DCLK1: variants seen among roughly 807,000 people sequenced by gnomAD.
DCLK1 encodes serine/threonine-protein kinase DCLK1.
A neutral mutation model predicts 86.2 loss-of-function variants in DCLK1; 16 were observed. The observed-to-expected ratio is 0.19, with a 90% confidence interval of 0.13 to 0.28. The LOEUF (loss-of-function observed/expected upper bound fraction) is 0.28, where lower values mean the gene tolerates loss of function less well. Among genes scored for constraint, DCLK1 ranks in the 10% least tolerant of loss-of-function variants. DCLK1 has a pLI of 1.00. For synonymous variants in DCLK1, 369 were observed against 370.5 expected (o/e 1.00, Z 0.05); for missense variants, 590 against 940.2 (o/e 0.63, Z 4.87).
chr13:36,023,674 G>A (rs1254516509), intron 3 of DCLK1, among the ~76,000 whole-genome samples: 1 of 152,012 alleles, frequency 6.6e-6, no homozygotes, highest in Non-Finnish European at 1.5e-5. Context: ...AAACCCACTT[G>A]AGCATCTCAA....
chr13:35,897,273 G>A (rs1874062457), intron 4 of DCLK1, among the ~76,000 whole-genome samples: 1 of 152,140 alleles, frequency 6.6e-6, no homozygotes, highest in Non-Finnish European at 1.5e-5. Flanking sequence ...GAGAACACTG[G>A]GAGGCAATGT....
In DCLK1 at chr13:35,997,357, A is replaced by T. The variant is rs573329454; in HGVS notation, c.724-49900T>A. 2.1e-4 allele frequency among the ~76,000 whole-genome samples: 32 copies of T among 152,318 alleles called. No individual in the cohort carries two copies. In the South Asian group the frequency reaches 6.6e-3, roughly 32 times the overall value. On this transcript the variant is annotated intron_variant, in intron 3 of 16. Transcript: ENST00000360631. ...TCTTTAATTTCTTTTCTCATCTCTC[A>T]TTTTAAGGGGAAAATCATCGTAGAG...
chr13:36,029,263 C>T (rs779553446), intron 3 of DCLK1, among the ~76,000 whole-genome samples: 7 of 152,172 alleles, frequency 4.6e-5, no homozygotes, highest in Non-Finnish European at 1.0e-4. Context: ...AACTCTATTG[C>T]ACACTCTCAC....
At chr13:35,977,778 C>T (rs1271359146) in intron 3 of DCLK1, among the ~76,000 whole-genome samples, 2 of 151,496 alleles carry the variant, frequency 1.3e-5, no homozygotes, top group Non-Finnish European at 2.9e-5. Flanking sequence ...GTGTCATACA[C>T]CCAAGAACAG....
chr13:35,927,487 T>G (rs567724610), intron 4 of DCLK1, among the ~76,000 whole-genome samples: 1 of 152,350 alleles, frequency 6.6e-6, no homozygotes, highest in East Asian at 1.9e-4. Context: ...TTCATTGTTT[T>G]TGTTACACCG....
At chr13:36,039,873 AC>A (rs1201596646) in intron 3 of DCLK1, among the ~76,000 whole-genome samples, 1 of 152,034 alleles carries the variant, frequency 6.6e-6, no homozygotes, top group Non-Finnish European at 1.5e-5. Context: ...AGATGGCCTT[AC>A]TAAGTAGCAG....
At chr13:35,887,862 T>C (rs1334034324) in intron 4 of DCLK1, among the ~76,000 whole-genome samples, 3 of 88,200 alleles carry the variant, frequency 3.4e-5, no homozygotes, top group African/African-American at 8.8e-5. Context: ...TTGGACAGCA[T>C]AGTAAGATCT....
chr13:36,074,998 G>C (rs1884137593), intron 3 of DCLK1, among the ~76,000 whole-genome samples: 1 of 152,240 alleles, frequency 6.6e-6, no homozygotes, highest in Non-Finnish European at 1.5e-5. Context: ...ATTTCTGCCA[G>C]TGAAGTGGTA....
chr13:35,847,723 G>GTA lies in DCLK1; in HGVS notation c.1035+6774_1035+6775dup, dbSNP rs139327867. 2,349 of 928,266 alleles carry GTA rather than the reference G, an allele frequency of 2.5e-3. 24 individuals are homozygous for GTA. The African/African-American group carries it at 0.031, about 12-fold the overall frequency. 57.5% of individuals were successfully genotyped at this position (928,266 alleles called of 1,614,324 possible). Reference sequence around the variant, plus strand: ...GAAATTCCCCGGCTGGTTATGTAGGGTATATATATATATAGTACATCAGCG... The same window carrying GTA: ...GAAATTCCCCGGCTGGTTATGTAGGGTATATATATATATATAGTACATCAGCG... On this transcript the variant is annotated intron_variant, in intron 6 of 16. Coordinates refer to ENST00000360631, the MANE Select transcript of DCLK1 (RefSeq NM_001330071.2).
At chr13:36,111,834 T>G (rs1205832325) in intron 3 of DCLK1, 35 bp downstream of exon 3, 1 of 1,574,674 alleles carries the variant, frequency 6.4e-7, no homozygotes, top group Admixed American at 1.7e-5. Context: ...GGTTCTTGCC[T>G]TAAAGTCAAA....
At chr13:35,936,248 G>A (rs1876743453) in intron 4 of DCLK1, among the ~76,000 whole-genome samples, 1 of 152,210 alleles carries the variant, frequency 6.6e-6, no homozygotes, top group Admixed American at 6.5e-5. Context: ...GTGCTTTGAA[G>A]ATTATCCTTG....
intron 3 of DCLK1, among the ~76,000 whole-genome samples, chr13:36,070,571 T>C (rs1432427490): frequency 1.1e-4 from 16 of 152,190 alleles, no homozygotes; most frequent in Admixed American, 1.0e-3. Flanking sequence ...GCTGACCACA[T>C]TCTCCTTCAC....
chr13:35,941,161 C>T (rs1104539), intron 4 of DCLK1, among the ~76,000 whole-genome samples: 56,850 of 151,922 alleles, frequency 0.37, 12,639 homozygotes, highest in African/African-American at 0.62. Context: ...CCTACTATTC[C>T]ATTAGGTTGG....
At chr13:35,912,175 G>T (rs1875079913) in intron 4 of DCLK1, among the ~76,000 whole-genome samples, 1 of 152,138 alleles carries the variant, frequency 6.6e-6, no homozygotes, top group Non-Finnish European at 1.5e-5. Flanking sequence ...AGTTTGGCAT[G>T]CAGGGGGCTC....
intron 6 of DCLK1, chr13:35,850,600 G>C (rs1870543045): frequency 2.3e-6 from 3 of 1,293,130 alleles, no homozygotes; most frequent in Non-Finnish European, 3.0e-6. Flanking sequence ...TGGATGATTT[G>C]GTCTTTTATC....
At chr13:36,013,763 G>C (rs1264168256) in intron 3 of DCLK1, among the ~76,000 whole-genome samples, 2 of 152,136 alleles carry the variant, frequency 1.3e-5, no homozygotes, top group Admixed American at 6.6e-5. Context: ...CACCCAGTTC[G>C]AGCTTCCTGG....
At chr13:36,098,592 AC>A (rs1302594975) in intron 3 of DCLK1, among the ~76,000 whole-genome samples, 11 of 152,202 alleles carry the variant, frequency 7.2e-5, no homozygotes, top group Non-Finnish European at 1.5e-4. Flanking sequence ...CCTAGAAAAC[AC>A]AGTTGCCAAT....
intron 4 of DCLK1, among the ~76,000 whole-genome samples, chr13:35,939,457 A>C (rs968684029): frequency 2.0e-5 from 3 of 152,222 alleles, no homozygotes; most frequent in Non-Finnish European, 2.9e-5. Context: ...TTGCCCAGGC[A>C]GGAGTGGCGC....
chr13:36,096,356 T>G (rs1477323662), intron 3 of DCLK1, among the ~76,000 whole-genome samples: 1 of 152,170 alleles, frequency 6.6e-6, no homozygotes, highest in Non-Finnish European at 1.5e-5. Flanking sequence ...AAGTATACAC[T>G]GAATACACAA....
Sources: allele counts gnomAD v4.1 joint callset (sites outside exome capture counted in the v4.1 genomes callset), GRCh38; gene constraint gnomAD v4.1.1; transcripts MANE v1.5; gene names NCBI Gene and HGNC (gene_info 2026-07-23, HGNC 2026-07-21).